COPZ1: variants seen among roughly 807,000 people sequenced by gnomAD.
COPZ1 encodes coat protein complex I subunit zeta 1.
COPZ1 carries 4 observed loss-of-function variants against 31.7 expected under a neutral mutation model. That is an observed-to-expected ratio of 0.13 (90% CI 0.06 to 0.29). The LOEUF (loss-of-function observed/expected upper bound fraction) is 0.29, where lower values mean the gene tolerates loss of function less well. COPZ1 is among the 10% of genes least tolerant of loss of function. COPZ1 has a pLI of 1.00. For synonymous variants in COPZ1, 74 were observed against 79.0 expected, an observed-to-expected ratio of 0.94 and a Z score of 0.33; for missense variants, 156 against 211.5, an observed-to-expected ratio of 0.74 and a Z score of 1.63.
intron 7 of COPZ1, among the ~76,000 whole-genome samples, chr12:54,348,801 A>G (rs1954103909): frequency 6.6e-6 from 1 of 152,172 alleles, no homozygotes. Context: ...GTACCTCTCC[A>G]TTAGGAAGTA....
chr12:54,343,234 C>T lies in COPZ1; in HGVS notation c.179C>T (p.Ala60Val). ...NKTHRTDSEI[A>V]LLEGLTVVYK... Reference sequence around the variant, plus strand: ...TTTTTTCCCCCACCAGGTGAAATTGCCCTCTTGGAAGGCCTGACAGTGGTA... The same window carrying T: ...TTTTTTCCCCCACCAGGTGAAATTGTCCTCTTGGAAGGCCTGACAGTGGTA... The change falls in exon 4 of 9, where the codon GCC (alanine) becomes GTC (valine). Residue 60 changes from alanine (A) to valine (V), a missense_variant. Coordinates refer to ENST00000262061, the MANE Select transcript of COPZ1 (RefSeq NM_016057.3). 1 of 1,613,612 alleles carries T rather than the reference C, an allele frequency of 6.2e-7. No individual in the cohort carries two copies. The highest frequency in any genetic ancestry group is 8.5e-7 in the Non-Finnish European group (1 of 1,179,552).
chr12:54,334,477 CTTCTT>C (rs1253205623), intron 1 of COPZ1, among the ~76,000 whole-genome samples: 10 of 151,938 alleles, frequency 6.6e-5, no homozygotes, highest in Admixed American at 5.3e-4. Flanking sequence ...TTAGCTAATT[CTTCTT>C]TTCTTTTCAT....
intron 1 of COPZ1, 182 bp downstream of exon 1, chr12:54,325,363 A>G: frequency 1.2e-6 from 1 of 802,420 alleles, no homozygotes; most frequent in Non-Finnish European, 1.9e-6. Context: ...TTAGAGTAGG[A>G]AGCCCTGCCG....
At position 54,341,226 on chromosome 12, in the gene COPZ1, C is replaced by A. The variant is rs1953968145; in HGVS notation, c.87+611C>A. Among the ~76,000 whole-genome samples the A allele has an allele frequency of 3.9e-5, 6 of 152,260 alleles. No individual in the cohort carries two copies. The South Asian group carries it at 1.2e-3, about 32-fold the overall frequency. ...TGTCCCCTTCCCTCATACCATGTCACCCTGCCTGGGTTTTTCCAGAGAATT... is the reference window on the plus strand; with the variant it reads ...TGTCCCCTTCCCTCATACCATGTCAACCTGCCTGGGTTTTTCCAGAGAATT... On this transcript the variant is annotated intron_variant, in intron 2 of 8. Transcript: ENST00000262061.
intron 1 of COPZ1, among the ~76,000 whole-genome samples, chr12:54,333,790 C>T (rs914333143): frequency 6.6e-6 from 1 of 152,182 alleles, no homozygotes; most frequent in African/African-American, 2.4e-5. Flanking sequence ...GTAGGTGTCT[C>T]TTCCTGCCGT....
At chr12:54,340,343 T>C in intron 1 of COPZ1, 3 of 758,722 alleles carry the variant, frequency 4.0e-6, no homozygotes, top group Non-Finnish European at 5.9e-6. Flanking sequence ...GAATCCTTTG[T>C]TTAAATGCTT....
Position 54,331,309 on chromosome 12 carries a change from T to C in COPZ1, c.18+6128T>C, listed in dbSNP as rs558265340. On this transcript the variant is annotated intron_variant, in intron 1 of 8. Coordinates refer to ENST00000262061, the MANE Select transcript of COPZ1 (RefSeq NM_016057.3). ...GATTCTCCTTCCTCCGCCTCCCGAG[T>C]AGTTGGGATTACAGGCCCCCACCAC... Among the ~76,000 whole-genome samples the C allele has an allele frequency of 4.0e-5, 6 of 151,146 alleles. No individual in the cohort carries two copies. In the South Asian group the frequency reaches 1.3e-3, roughly 32 times the overall value.
At position 54,326,961 on chromosome 12, in the gene COPZ1, C is replaced by CTTTTTT. The variant is rs60827109; in HGVS notation, c.18+1812_18+1817dup. On this transcript the variant is annotated intron_variant, in intron 1 of 8. Coordinates refer to ENST00000262061, the MANE Select transcript of COPZ1 (RefSeq NM_016057.3). ...CTGTACCAAGCAGTTAACAAGTATT[C>CTTTTTT]TTTTTTTTTTTTTTTTTTTTTTTTT... 2.1e-4 allele frequency among the ~76,000 whole-genome samples: 9 copies of CTTTTTT among 43,568 alleles called. 4 individuals are homozygous for CTTTTTT. The highest frequency in any genetic ancestry group is 4.0e-4 in the Non-Finnish European group (9 of 22,526). 28.6% of individuals were successfully genotyped at this position (43,568 alleles called of 152,430 possible).
At chr12:54,327,585 C>T (rs1953677399) in intron 1 of COPZ1, among the ~76,000 whole-genome samples, 1 of 152,162 alleles carries the variant, frequency 6.6e-6, no homozygotes, top group South Asian at 2.1e-4. Flanking sequence ...GAGTGAGCCA[C>T]CGTGCCCGGC....
chr12:54,331,257 C>G (rs1003588451), intron 1 of COPZ1, among the ~76,000 whole-genome samples: 2 of 149,514 alleles, frequency 1.3e-5, no homozygotes, highest in Admixed American at 6.7e-5. Flanking sequence ...CTTGGCTCAC[C>G]GCAACCTTTG....
chr12:54,335,710 T>G (rs1376639932), intron 1 of COPZ1, among the ~76,000 whole-genome samples: 1 of 151,362 alleles, frequency 6.6e-6, no homozygotes, highest in Non-Finnish European at 1.5e-5. Context: ...CTCACTCTTT[T>G]GTGTAGGCTG....
chr12:54,325,247 C>T (rs1183749120), intron 1 of COPZ1, 66 bp downstream of exon 1: 12 of 1,523,872 alleles, frequency 7.9e-6, no homozygotes, highest in Non-Finnish European at 9.7e-6. Flanking sequence ...GGGTTCAGCC[C>T]GAGTGGGAGA....
chr12:54,346,435 G>A (rs1015855199), intron 5 of COPZ1, among the ~76,000 whole-genome samples: 1 of 151,816 alleles, frequency 6.6e-6, no homozygotes, highest in African/African-American at 2.4e-5. Context: ...ACCACGCCTG[G>A]CTAATTTTTG....
At chr12:54,346,270 C>CTT (rs1029430029) in intron 5 of COPZ1, among the ~76,000 whole-genome samples, 7 of 138,436 alleles carry the variant, frequency 5.1e-5, no homozygotes, top group Non-Finnish European at 7.9e-5. Flanking sequence ...ATTTTTTTTT[C>CTT]TTTTTTTTTT....
intron 1 of COPZ1, chr12:54,337,315 G>C (rs751970866): frequency 2.1e-5 from 11 of 533,732 alleles, no homozygotes; most frequent in Non-Finnish European, 3.9e-5. Flanking sequence ...AAGCTTTCTA[G>C]CAGCTACCCA....
chr12:54,350,653 C>G lies in COPZ1; in HGVS notation c.*130C>G, dbSNP rs1954131672. 8.8e-6 allele frequency: 7 copies of G among 794,478 alleles called. No homozygotes were observed. The highest frequency in any genetic ancestry group is 3.7e-5 in the Admixed American group (2 of 53,778). The allele number at this position is 794,478 out of a possible 1,614,324, so 49.2% of individuals were successfully genotyped here. ...TCACAGGGATCCTTAAATCTCCATT[C>G]TGTTTGTGGTTGCCCCCTCAACCTC... On this transcript the variant is annotated 3_prime_UTR_variant, in exon 9 of 9. Transcript: ENST00000262061.
At chr12:54,340,687 T>C in intron 2 of COPZ1, 72 bp downstream of exon 2, 2 of 1,445,916 alleles carry the variant, frequency 1.4e-6, no homozygotes, top group Non-Finnish European at 1.9e-6. Flanking sequence ...TTGGGACTGA[T>C]ACCTTATTAA....
intron 7 of COPZ1, among the ~76,000 whole-genome samples, chr12:54,348,423 G>A (rs1252499294): frequency 6.6e-6 from 1 of 152,162 alleles, no homozygotes; most frequent in African/African-American, 2.4e-5. Flanking sequence ...TGAGGCAGAG[G>A]AGTGTCTGTT....
In COPZ1 at chr12:54,340,606, T is replaced by G. The variant is rs371917968; in HGVS notation, c.78T>G (p.Leu26=). Residue 26 remains leucine, a synonymous_variant, in exon 2 of 9, where the codon CTT becomes CTG. Coordinates refer to ENST00000262061, the MANE Select transcript of COPZ1 (RefSeq NM_016057.3). ...ILILDNDGDR[L]FAKYYDDTYP... is the part of the protein sequence containing the mutation. ...TTCTGGACAATGATGGAGATCGACTTTTTGCCAAGGTGAGATTCCCTTTCG... is the reference window on the plus strand; with the variant it reads ...TTCTGGACAATGATGGAGATCGACTGTTTGCCAAGGTGAGATTCCCTTTCG... 7 of 1,613,784 alleles carry G rather than the reference T, an allele frequency of 4.3e-6. No individual in the cohort carries two copies. In the African/African-American group the frequency reaches 9.3e-5, roughly 22 times the overall value.
Sources: gnomAD v4.1 joint callset for allele counts (sites outside exome capture counted in the v4.1 genomes callset) on GRCh38, gnomAD v4.1.1 for gene constraint, MANE v1.5 for transcripts, NCBI Gene and HGNC (gene_info 2026-07-23, HGNC 2026-07-21) for gene names.